Variants in VWA3B observed in about 807,000 individuals in gnomAD.
VWA3B encodes von Willebrand factor A domain containing 3B, also known as von Willebrand factor A domain-containing protein 3B.
A neutral mutation model predicts 158.3 loss-of-function variants in VWA3B; 138 were observed. That is an observed-to-expected ratio of 0.87 (90% CI 0.76 to 1.00). The LOEUF (loss-of-function observed/expected upper bound fraction) is 1.00. Among genes scored for constraint, VWA3B ranks in the 50% least tolerant of loss-of-function variants. The pLI, the probability that VWA3B is intolerant of heterozygous loss-of-function variation, is 0.00. For missense variants in VWA3B, 1,555 were observed against 1,565.1 expected (o/e 0.99, Z 0.11); for synonymous variants, 596 against 587.3 (o/e 1.01, Z -0.21).
intron 26 of VWA3B, among the ~76,000 whole-genome samples, chr2:98,309,974 A>G (rs1013407285): frequency 2.0e-5 from 3 of 152,212 alleles, no homozygotes; most frequent in African/African-American, 7.2e-5. Context: ...TTCAGGAAGC[A>G]TGTGGTGGTG....
At chr2:98,329,130 C>A in the VWA3B span, among the ~76,000 whole-genome samples, 2 of 152,238 alleles carry the variant, frequency 1.3e-5, no homozygotes, top group African/African-American at 4.8e-5. Context: ...ACTGGATATT[C>A]ATATGGGGAA....
intron 22 of VWA3B, among the ~76,000 whole-genome samples, chr2:98,277,101 C>T (rs1488006782): frequency 1.3e-5 from 2 of 152,224 alleles, no homozygotes; most frequent in Non-Finnish European, 2.9e-5. Flanking sequence ...GCATCCTGCA[C>T]AGGGCACATT....
chr2:98,307,141 A>AT (rs1261435483), intron 26 of VWA3B, among the ~76,000 whole-genome samples: 2 of 152,200 alleles, frequency 1.3e-5, no homozygotes, highest in African/African-American at 2.4e-5. Context: ...AGAAATGCTT[A>AT]TTCCCCGGTG....
At chr2:98,155,221 T>G (rs1312631845) in intron 7 of VWA3B, among the ~76,000 whole-genome samples, 1 of 152,186 alleles carries the variant, frequency 6.6e-6, no homozygotes, top group Non-Finnish European at 1.5e-5. Flanking sequence ...CCCCTGACCT[T>G]GGGGACACAG....
chr2:98,118,895 T>C (rs1171729265), intron 3 of VWA3B, among the ~76,000 whole-genome samples: 2 of 152,244 alleles, frequency 1.3e-5, no homozygotes, highest in African/African-American at 4.8e-5. Context: ...GGATGGTTTA[T>C]TTGTACATAC....
intron 21 of VWA3B, among the ~76,000 whole-genome samples, chr2:98,268,250 T>C (rs576005597): frequency 1.4e-4 from 21 of 151,944 alleles, no homozygotes; most frequent in Admixed American, 5.9e-4. Flanking sequence ...AAGAGAATTT[T>C]AGACCAATAT....
intron 26 of VWA3B, among the ~76,000 whole-genome samples, chr2:98,304,926 G>A (rs540781145): frequency 5.3e-5 from 8 of 152,100 alleles, no homozygotes; most frequent in Admixed American, 2.0e-4. Flanking sequence ...ATGCGTCATC[G>A]GATAGACTCA....
rs572727407 is a variant in VWA3B, at chr2:98,162,455, G to A, written c.989-396G>A. On this transcript the variant is annotated intron_variant, in intron 7 of 27. Coordinates refer to ENST00000477737, the MANE Select transcript of VWA3B (RefSeq NM_144992.5). Reference sequence around the variant, plus strand: ...AAGAAGCAGGACACCTTGGCTACATGGCGAAAGGATTAGGGGTTGTTGCTT... The same window carrying A: ...AAGAAGCAGGACACCTTGGCTACATAGCGAAAGGATTAGGGGTTGTTGCTT... Among the ~76,000 whole-genome samples, 3 of 152,290 alleles carry A rather than the reference G, an allele frequency of 2.0e-5. No homozygotes were observed. In the South Asian group the frequency reaches 6.2e-4, roughly 32 times the overall value.
intron 9 of VWA3B, among the ~76,000 whole-genome samples, chr2:98,186,378 C>T (rs996508199): frequency 3.3e-5 from 5 of 151,942 alleles, no homozygotes; most frequent in South Asian, 4.2e-4. Context: ...TGCCGGCCGG[C>T]GCCTTCAAAA....
chr2:98,200,251 G>C (rs553303945), intron 12 of VWA3B, among the ~76,000 whole-genome samples: 9 of 152,166 alleles, frequency 5.9e-5, no homozygotes, highest in Admixed American at 2.0e-4. Flanking sequence ...ATGGATAATA[G>C]CTGGAGTCAG....
At chr2:98,162,791 G>A (rs930592253) in intron 7 of VWA3B, 60 bp from the exon 8 acceptor site, 80 of 1,595,594 alleles carry the variant, frequency 5.0e-5, no homozygotes, top group Non-Finnish European at 6.7e-5. Flanking sequence ...CCTGCTAGGC[G>A]GGCTGCCACA....
intron 19 of VWA3B, among the ~76,000 whole-genome samples, chr2:98,237,596 A>G (rs529064399): frequency 6.6e-6 from 1 of 152,342 alleles, no homozygotes; most frequent in African/African-American, 2.4e-5. Context: ...TTTGGCAACA[A>G]GGAGGTGCTC....
intron 7 of VWA3B, among the ~76,000 whole-genome samples, chr2:98,146,485 C>G (rs1178471430): frequency 2.0e-5 from 3 of 152,118 alleles, no homozygotes; most frequent in African/African-American, 7.2e-5. Context: ...TTTGCGAAGC[C>G]CTACCTCTTT....
At chr2:98,216,452 A>C (rs1048877245) in intron 13 of VWA3B, among the ~76,000 whole-genome samples, 20 of 152,388 alleles carry the variant, frequency 1.3e-4, no homozygotes, top group African/African-American at 4.6e-4. Flanking sequence ...AAGCCTTAGC[A>C]TAGGGTATGT....
At chr2:98,148,395 C>T (rs1031743008) in intron 7 of VWA3B, among the ~76,000 whole-genome samples, 2 of 152,106 alleles carry the variant, frequency 1.3e-5, no homozygotes, top group African/African-American at 4.8e-5. Context: ...GTCTATTACC[C>T]TTTTACTTGC....
chr2:98,327,104 G>A, the VWA3B span, among the ~76,000 whole-genome samples: 1 of 152,016 alleles, frequency 6.6e-6, no homozygotes, highest in Non-Finnish European at 1.5e-5. Context: ...AGACCAGCCT[G>A]GGCAACATGG....
Position 98,181,613 on chromosome 2 carries a change from T to C in VWA3B, c.1311+401T>C, listed in dbSNP as rs150619239. Reference sequence around the variant, plus strand: ...GTGGTCCTCTTGTATTTTCCCTCATTATTCCAGTGACTAGCAGCCAGCATA... The same window carrying C: ...GTGGTCCTCTTGTATTTTCCCTCATCATTCCAGTGACTAGCAGCCAGCATA... On this transcript the variant is annotated intron_variant, in intron 9 of 27. Coordinates refer to ENST00000477737, the MANE Select transcript of VWA3B (RefSeq NM_144992.5). 4.8e-3 allele frequency among the ~76,000 whole-genome samples: 732 copies of C among 152,320 alleles called. 4 individuals carry two copies. Among genetic ancestry groups the C allele is most frequent in the Non-Finnish European group, 8.1e-3 (552 of 68,038 alleles).
At chr2:98,136,047 G>C (rs1676258519) in intron 7 of VWA3B, among the ~76,000 whole-genome samples, 1 of 152,084 alleles carries the variant, frequency 6.6e-6, no homozygotes, top group Admixed American at 6.5e-5. Flanking sequence ...CTCAAGTAAG[G>C]GGTTGGAGAA....
chr2:98,163,998 C>T (rs796619047), intron 8 of VWA3B, among the ~76,000 whole-genome samples: 19 of 152,280 alleles, frequency 1.2e-4, no homozygotes, highest in African/African-American at 4.1e-4. Context: ...GGGAGACTGT[C>T]GAGTTGCCGG....
Sources: gnomAD v4.1 joint callset for allele counts (sites outside exome capture counted in the v4.1 genomes callset) on GRCh38, gnomAD v4.1.1 for gene constraint, MANE v1.5 for transcripts, NCBI Gene and HGNC (gene_info 2026-07-23, HGNC 2026-07-21) for gene names.